Variants in GNAT1 observed in about 807,000 individuals in gnomAD.
The protein encoded by GNAT1 is guanine nucleotide-binding protein G(t) subunit alpha-1.
In GNAT1, 36 loss-of-function variants were observed where a neutral mutation model predicts 40.0. The observed-to-expected ratio is 0.90, with a 90% CI of 0.69 to 1.19. GNAT1 has a LOEUF of 1.19. Ranked by LOEUF, GNAT1 falls within the 50% of genes most tolerant of loss-of-function variation. GNAT1 has a pLI of 0.00. For missense variants in GNAT1, 413 were observed against 480.6 expected (o/e 0.86, Z 1.32); for synonymous variants, 195 against 192.9 (o/e 1.01, Z -0.09).
In GNAT1 at chr3:50,193,671, C is replaced by T. The variant is rs764113739; in HGVS notation, c.449+8C>T. ...CAACGACTCGGCGGGCTAGTGAGCG[C>T]GCGGGCAGCGCGGGGCGCGGGGCGC... On this transcript the variant is annotated splice_region_variant and intron_variant, in intron 4 of 8. Transcript: ENST00000232461. The surrounding 1 kb of genome is among the most constrained non-coding windows in gnomAD (Gnocchi z 8.1). 2 of 1,609,840 alleles carry T rather than the reference C, an allele frequency of 1.2e-6. No individual in the cohort carries two copies. The highest frequency in any genetic ancestry group is 3.3e-5 in the Admixed American group (2 of 59,864).
In GNAT1 at chr3:50,194,909, C is replaced by T. The variant is rs1366927641; in HGVS notation, c.1007C>T (p.Thr336Ile). 1 of 1,613,916 alleles carries T rather than the reference C, an allele frequency of 6.2e-7. No homozygotes were observed. Among genetic ancestry groups the T allele is most frequent in the Non-Finnish European group, 8.5e-7 (1 of 1,179,926 alleles). Reference protein sequence around the residue: ...QNVKFVFDAVTDIIIKENLKD... With the variant: ...QNVKFVFDAVIDIIIKENLKD... ...GTCAAATTTGTCTTCGACGCTGTCACCGACATCATCATCAAGGAGAACCTC... is the reference window on the plus strand; with the variant it reads ...GTCAAATTTGTCTTCGACGCTGTCATCGACATCATCATCAAGGAGAACCTC... Residue 336 changes from threonine to isoleucine, a missense_variant, in exon 8 of 9, where the codon ACC becomes ATC. Physicochemically the swap from Thr to Ile is moderately conservative, Grantham distance 89 (BLOSUM62 -1). Transcript: ENST00000232461. The surrounding 1 kb of genome is among the most constrained non-coding windows in gnomAD (Gnocchi z 6.1).
At position 50,194,710 on chromosome 3, in the gene GNAT1, AC is replaced by A. The variant is rs1012883337; in HGVS notation, c.863-49del. 3.1e-6 allele frequency: 5 copies of A among 1,606,048 alleles called. No homozygotes were observed. The highest frequency in any genetic ancestry group is 3.4e-6 in the Non-Finnish European group (4 of 1,174,498). On this transcript the variant is annotated intron_variant, in intron 7 of 8. Coordinates refer to ENST00000232461, the MANE Select transcript of GNAT1 (RefSeq NM_144499.3). This position sits in a 1 kb window ranked among gnomAD's most constrained non-coding sequence, Gnocchi z 6.1. ...CCCCCGCCCCACGATCGCGGCGCGC[AC>A]CCCCCGCACGGGGAAGGAAGGGCTG...
chr3:50,194,242 G>A lies in GNAT1; in HGVS notation c.708+21G>A. On this transcript the variant is annotated intron_variant, in intron 6 of 8. Transcript: ENST00000232461. This position sits in a 1 kb window ranked among gnomAD's most constrained non-coding sequence, Gnocchi z 6.1. The stretch of plus-strand genomic sequence containing the variant: ...AAGTGGTGCGTGCCAGGCAGGGCCT[G>A]TGTTCCAGGGGGGCGAGGAGGAGCT... 6.3e-7 allele frequency: 1 copy of A among 1,593,290 alleles called. No individual in the cohort carries two copies. Among genetic ancestry groups the A allele is most frequent in the Non-Finnish European group, 8.5e-7 (1 of 1,169,782 alleles).
rs1311011561 is a variant in GNAT1, at chr3:50,193,500, C to T, written c.292-6C>T. On this transcript the variant is annotated splice_region_variant and splice_polypyrimidine_tract_variant and intron_variant, in intron 3 of 8. Transcript: ENST00000232461. This position sits in a 1 kb window ranked among gnomAD's most constrained non-coding sequence, Gnocchi z 8.1. ...CCGCCACCAGCCACTCTCACCCTGCCCCCAGGACGACGCCCGGAAGCTGAT... is the reference window on the plus strand; with the variant it reads ...CCGCCACCAGCCACTCTCACCCTGCTCCCAGGACGACGCCCGGAAGCTGAT... The T allele has an allele frequency of 3.7e-6, 6 of 1,613,300 alleles. No homozygotes were observed. The highest frequency in any genetic ancestry group is 5.1e-6 in the Non-Finnish European group (6 of 1,179,852).
At chr3:50,192,845 C>T in intron 1 of GNAT1, 1 of 572,604 alleles carries the variant, frequency 1.7e-6, no homozygotes, top group Non-Finnish European at 3.1e-6. Flanking sequence ...ATAAAGGCTG[C>T]CTGTGCCGGG....
In GNAT1 at chr3:50,194,276, C is replaced by T; in HGVS notation, c.708+55C>T. On this transcript the variant is annotated intron_variant, in intron 6 of 8. Coordinates refer to ENST00000232461, the MANE Select transcript of GNAT1 (RefSeq NM_144499.3). The surrounding 1 kb of genome is among the most constrained non-coding windows in gnomAD (Gnocchi z 6.1). ...GGGGGCGAGGAGGAGCTGCTGGTCC[C>T]TGGAGGCGGAGACCGCGCGCTGGGC... 1 of 1,557,794 alleles carries T rather than the reference C, an allele frequency of 6.4e-7. No individual in the cohort carries two copies. The highest frequency in any genetic ancestry group is 1.9e-5 in the Admixed American group (1 of 51,770).
Position 50,193,703 on chromosome 3 carries a change from C to T in GNAT1, c.449+40C>T. The T allele has an allele frequency of 6.2e-7, 1 of 1,601,332 alleles. No homozygotes were observed. The highest frequency in any genetic ancestry group is 8.5e-7 in the Non-Finnish European group (1 of 1,174,566). Reference sequence around the variant, plus strand: ...AGCGCGGGGCGCGGGGCGCGGGGCGCAGGGGGCCCTCCACGCCTCCCCACC... The same window carrying T: ...AGCGCGGGGCGCGGGGCGCGGGGCGTAGGGGGCCCTCCACGCCTCCCCACC... On this transcript the variant is annotated intron_variant, in intron 4 of 8. Transcript: ENST00000232461. The surrounding 1 kb of genome is among the most constrained non-coding windows in gnomAD (Gnocchi z 8.1).
chr3:50,193,739 C>T lies in GNAT1; in HGVS notation c.450-14C>T, dbSNP rs1423949146. 1.9e-6 allele frequency: 3 copies of T among 1,604,872 alleles called. No individual in the cohort carries two copies. Among genetic ancestry groups the T allele is most frequent in the Non-Finnish European group, 2.5e-6 (3 of 1,176,506 alleles). On this transcript the variant is annotated splice_polypyrimidine_tract_variant and intron_variant, in intron 4 of 8. Transcript: ENST00000232461. The surrounding 1 kb of genome is among the most constrained non-coding windows in gnomAD (Gnocchi z 8.1). ...CCACGCCTCCCCACCCACCTACGGC[C>T]GGGTCTCGCGCAGCTACCTCTCCGA...
intron 1 of GNAT1, 60 bp downstream of exon 1, chr3:50,191,891 G>A (rs563594463): frequency 1.8e-6 from 2 of 1,093,352 alleles, no homozygotes; most frequent in African/African-American, 1.5e-5. Flanking sequence ...GAGGCAGGCA[G>A]GCAGCCCTTC....
intron 1 of GNAT1, 85 bp downstream of exon 1, chr3:50,191,916 T>C: frequency 1.1e-6 from 1 of 887,608 alleles, no homozygotes; most frequent in South Asian, 1.4e-5. Context: ...AAGCAAGGAT[T>C]CCCTGGGAAG....
Position 50,195,356 on chromosome 3 carries a change from T to A in GNAT1, c.*90T>A. The A allele has an allele frequency of 6.7e-6, 2 of 299,316 alleles. No homozygotes were observed. Among genetic ancestry groups the A allele is most frequent in the Non-Finnish European group, 6.5e-6 (1 of 153,576 alleles). The allele number at this position is 299,316 out of a possible 1,614,324, so 18.5% of individuals were successfully genotyped here. A position where few individuals can be genotyped will look rare whatever the true frequency, so the allele number is the denominator to read the frequency against. On this transcript the variant is annotated 3_prime_UTR_variant, in exon 9 of 9. Transcript: ENST00000232461. ...AAACCCCAGGACCCTATCAGCCCCC[T>A]GGGACTCCCTGGCCCCAACCTGCCA... is the stretch of plus-strand genomic sequence containing the variant.
rs1278135237 is a variant in GNAT1, at chr3:50,193,214, G to A, written c.149+39G>A. ...CCTGTCCCGAGGCCCCTGGGTCTGG[G>A]TCCTTCCCCACTTCCCCACGAGGCG... On this transcript the variant is annotated intron_variant, in intron 2 of 8. Coordinates refer to ENST00000232461, the MANE Select transcript of GNAT1 (RefSeq NM_144499.3). This position sits in a 1 kb window ranked among gnomAD's most constrained non-coding sequence, Gnocchi z 8.1. 11 of 1,613,956 alleles carry A rather than the reference G, an allele frequency of 6.8e-6. No homozygotes were observed. Among genetic ancestry groups the A allele is most frequent in the South Asian group, 4.4e-5 (4 of 91,080 alleles).
rs377424349 is a variant in GNAT1 at position 50,194,251 on chromosome 3, G to A, written c.708+30G>A. 2 of 1,585,200 alleles carry A rather than the reference G, an allele frequency of 1.3e-6. No individual in the cohort carries two copies. Among genetic ancestry groups the A allele is most frequent in the Non-Finnish European group, 1.7e-6 (2 of 1,165,492 alleles). On this transcript the variant is annotated intron_variant, in intron 6 of 8. Coordinates refer to ENST00000232461, the MANE Select transcript of GNAT1 (RefSeq NM_144499.3). This position sits in a 1 kb window ranked among gnomAD's most constrained non-coding sequence, Gnocchi z 6.1. ...GTGCCAGGCAGGGCCTGTGTTCCAG[G>A]GGGGCGAGGAGGAGCTGCTGGTCCC...
Position 50,194,308 on chromosome 3 carries a change from A to G in GNAT1, c.708+87A>G, listed in dbSNP as rs1260700138. 3 of 1,416,026 alleles carry G rather than the reference A, an allele frequency of 2.1e-6. No individual in the cohort carries two copies. Among genetic ancestry groups the G allele is most frequent in the Non-Finnish European group, 2.9e-6 (3 of 1,030,808 alleles). 87.7% of individuals were successfully genotyped at this position (1,416,026 alleles called of 1,614,324 possible). ...CGGAGACCGCGCGCTGGGCTGGGGG[A>G]GGGCACGGGAGGGGATGCCTGTCCC... On this transcript the variant is annotated intron_variant, in intron 6 of 8. Transcript: ENST00000232461. The surrounding 1 kb of genome is among the most constrained non-coding windows in gnomAD (Gnocchi z 6.1).
Position 50,191,709 on chromosome 3 carries a change from C to T in GNAT1, c.-17C>T, listed in dbSNP as rs373431538. 8.8e-6 allele frequency: 14 copies of T among 1,582,780 alleles called. No homozygotes were observed. The highest frequency in any genetic ancestry group is 2.7e-5 in the African/African-American group (2 of 74,296). On this transcript the variant is annotated 5_prime_UTR_variant, in exon 1 of 9. Transcript: ENST00000232461. ...GAACCACCTGCTCACTCTGTCCCTT[C>T]GCCTGCTGCTGGGACCATGGGGGCT... is the stretch of plus-strand genomic sequence containing the variant.
In GNAT1 at chr3:50,191,724, C is replaced by A. The variant is rs151191490; in HGVS notation, c.-2C>A. The A allele has an allele frequency of 3.4e-5, 54 of 1,608,270 alleles. No homozygotes were observed. Among genetic ancestry groups the A allele is most frequent in the Non-Finnish European group, 4.5e-5 (53 of 1,174,828 alleles). On this transcript the variant is annotated 5_prime_UTR_variant, in exon 1 of 9. Transcript: ENST00000232461. ...TCTGTCCCTTCGCCTGCTGCTGGGACCATGGGGGCTGGGGCCAGTGCTGAG... is the reference window on the plus strand; with the variant it reads ...TCTGTCCCTTCGCCTGCTGCTGGGAACATGGGGGCTGGGGCCAGTGCTGAG...
rs1453902507 is a variant in GNAT1 at position 50,194,249 on chromosome 3, A to AG, written c.708+34dup. 5.7e-6 allele frequency: 9 copies of AG among 1,584,150 alleles called. No individual in the cohort carries two copies. The highest frequency in any genetic ancestry group is 6.9e-6 in the Non-Finnish European group (8 of 1,164,868). ...GCGTGCCAGGCAGGGCCTGTGTTCCAGGGGGGCGAGGAGGAGCTGCTGGTC... is the reference window on the plus strand; with the variant it reads ...GCGTGCCAGGCAGGGCCTGTGTTCCAGGGGGGGCGAGGAGGAGCTGCTGGTC... On this transcript the variant is annotated intron_variant, in intron 6 of 8. Transcript: ENST00000232461. The surrounding 1 kb of genome is among the most constrained non-coding windows in gnomAD (Gnocchi z 6.1).
In GNAT1 at chr3:50,194,114, C is replaced by A; in HGVS notation, c.601C>A (p.Arg201Ser). The change falls in exon 6 of 9, where the codon CGC (arginine) becomes AGC (serine). Residue 201 changes from arginine to serine, a missense_variant. Arg to Ser is a moderately radical substitution (Grantham distance 110, BLOSUM62 -1). Transcript: ENST00000232461. The surrounding 1 kb of genome is among the most constrained non-coding windows in gnomAD (Gnocchi z 6.1). ...NFRMFDVGGQRSERKKWIHCF... is the reference protein window; with the variant it reads ...NFRMFDVGGQSSERKKWIHCF... ...CAGGATGTTCGATGTGGGCGGGCAGCGCTCGGAGCGCAAGAAGTGGATCCA... is the reference window on the plus strand; with the variant it reads ...CAGGATGTTCGATGTGGGCGGGCAGAGCTCGGAGCGCAAGAAGTGGATCCA... 1 of 1,613,860 alleles carries A rather than the reference C, an allele frequency of 6.2e-7. No individual in the cohort carries two copies. The highest frequency in any genetic ancestry group is 1.1e-5 in the South Asian group (1 of 91,078).
Position 50,193,149 on chromosome 3 carries a change from G to A in GNAT1, c.123G>A (p.Gly41=). 6.2e-7 allele frequency: 1 copy of A among 1,613,988 alleles called. No homozygotes were observed. Among genetic ancestry groups the A allele is most frequent in the Non-Finnish European group, 8.5e-7 (1 of 1,180,002 alleles). ...CTCTTTCAGGTGCCGGTGAGTCCGGGAAGAGCACCATCGTCAAGCAGATGA... is the reference window on the plus strand; with the variant it reads ...CTCTTTCAGGTGCCGGTGAGTCCGGAAAGAGCACCATCGTCAAGCAGATGA... ...KLLLLGAGES[G]KSTIVKQMKI... The change falls in exon 2 of 9, where the codon GGG becomes GGA. Residue 41 remains glycine, a synonymous_variant. Transcript: ENST00000232461. The surrounding 1 kb of genome is among the most constrained non-coding windows in gnomAD (Gnocchi z 8.1).
Sources: allele counts gnomAD v4.1 joint callset, GRCh38; gene constraint gnomAD v4.1.1; non-coding constraint Gnocchi (gnomAD v3.1); transcripts MANE v1.5; gene names NCBI Gene and HGNC (gene_info 2026-07-23, HGNC 2026-07-21).